The following SATB2 variants were observed in gnomAD, a reference collection of about 807,000 sequenced individuals.
SATB2 encodes DNA-binding protein SATB2.
In SATB2, 1 loss-of-function variant was observed where a neutral mutation model predicts 73.4. That is an observed-to-expected ratio of 0.01 (90% CI 0.00 to 0.06). SATB2 has a LOEUF of 0.06. Among genes scored for constraint, SATB2 ranks in the 10% least tolerant of loss-of-function variants. SATB2 has a pLI of 1.00. For missense variants in SATB2, 459 were observed against 945.8 expected (o/e 0.49, Z 6.75); for synonymous variants, 397 against 367.0 (o/e 1.08, Z -0.93).
chr2:199,350,330 G>T (rs889095586), intron 6 of SATB2, among the ~76,000 whole-genome samples: 1 of 150,574 alleles, frequency 6.6e-6, no homozygotes, highest in Non-Finnish European at 1.5e-5. Context: ...AACCGTGACA[G>T]AATCATGGTT....
chr2:199,413,630 C>T (rs1184150708), intron 3 of SATB2, among the ~76,000 whole-genome samples: 2 of 139,626 alleles, frequency 1.4e-5, no homozygotes, highest in Non-Finnish European at 1.6e-5. Context: ...AACTTGATTT[C>T]CCAGGCTCTC....
intron 10 of SATB2, among the ~76,000 whole-genome samples, chr2:199,300,294 C>G (rs764968779): frequency 2.0e-5 from 3 of 148,924 alleles, no homozygotes; most frequent in African/African-American, 2.5e-5. Flanking sequence ...TAACAAATTC[C>G]AAAGCAATAT....
intron 5 of SATB2, among the ~76,000 whole-genome samples, chr2:199,376,044 T>C (rs926429118): frequency 2.6e-5 from 4 of 152,196 alleles, no homozygotes; most frequent in African/African-American, 9.7e-5. Flanking sequence ...TAAATTACAA[T>C]CTAGCTATGC....
intron 3 of SATB2, among the ~76,000 whole-genome samples, chr2:199,392,396 G>C (rs1319490851): frequency 6.6e-6 from 1 of 151,292 alleles, no homozygotes; most frequent in Non-Finnish European, 1.5e-5. Flanking sequence ...CTTGGCATAG[G>C]CTGAATAGAC....
At chr2:199,458,670 C>A (rs1352741331), upstream of SATB2, 4 of 442,068 alleles carry the variant, frequency 9.0e-6, no homozygotes, top group Non-Finnish European at 1.8e-5. Context: ...GCGCAAGAGG[C>A]GACCGCGGCT....
At chr2:199,438,902 G>A (rs911193389) in intron 2 of SATB2, among the ~76,000 whole-genome samples, 19 of 152,196 alleles carry the variant, frequency 1.2e-4, no homozygotes, top group Non-Finnish European at 5.9e-5. Context: ...GCAAGGCAAG[G>A]GCAGAATAGT....
At chr2:199,433,219 A>G in intron 3 of SATB2, 119 bp downstream of exon 3, 2 of 1,044,400 alleles carry the variant, frequency 1.9e-6, no homozygotes, top group Admixed American at 2.8e-5. Flanking sequence ...CTCACTAGGA[A>G]ATGCTAAATC....
chr2:199,321,710 A>G (rs1449524098), intron 9 of SATB2, among the ~76,000 whole-genome samples: 1 of 152,056 alleles, frequency 6.6e-6, no homozygotes, highest in Non-Finnish European at 1.5e-5. Flanking sequence ...TGGAGTGAAT[A>G]TCTTTTGTTA....
intron 10 of SATB2, among the ~76,000 whole-genome samples, chr2:199,278,239 T>C (rs1158352062): frequency 6.6e-6 from 1 of 152,144 alleles, no homozygotes; most frequent in Non-Finnish European, 1.5e-5. Flanking sequence ...ACAAAAAGGC[T>C]GCCAGGCAAG....
chr2:199,370,946 C>CA (rs67348909), intron 5 of SATB2, among the ~76,000 whole-genome samples: 1,401 of 69,148 alleles, frequency 0.02, 34 homozygotes, highest in African/African-American at 0.048. Context: ...ATGAACTGAG[C>CA]AAAAAAAAAA....
chr2:199,356,601 T>C (rs1052485932), intron 6 of SATB2, among the ~76,000 whole-genome samples: 5 of 152,170 alleles, frequency 3.3e-5, no homozygotes, highest in East Asian at 1.9e-4. Flanking sequence ...CAAATGCAGA[T>C]AAATATTTAG....
At chr2:199,443,899 G>A (rs1691892065) in intron 2 of SATB2, among the ~76,000 whole-genome samples, 1 of 152,220 alleles carries the variant, frequency 6.6e-6, no homozygotes, top group African/African-American at 2.4e-5. Flanking sequence ...TAGGGGATCT[G>A]ACTGAGATCT....
intron 5 of SATB2, among the ~76,000 whole-genome samples, chr2:199,369,983 C>G (rs1689395105): frequency 1.3e-5 from 2 of 152,126 alleles, no homozygotes; most frequent in Non-Finnish European, 1.5e-5. Flanking sequence ...AAGGATAACT[C>G]TTTTCATCCC....
intron 2 of SATB2, among the ~76,000 whole-genome samples, chr2:199,448,841 C>T (rs1692042240): frequency 6.6e-6 from 1 of 152,102 alleles, no homozygotes; most frequent in South Asian, 2.1e-4. Flanking sequence ...ACCAACTGTA[C>T]TACGATAGAA....
chr2:199,414,821 G>C (rs1039321590), intron 3 of SATB2, among the ~76,000 whole-genome samples: 2 of 152,080 alleles, frequency 1.3e-5, no homozygotes, highest in Non-Finnish European at 2.9e-5. Context: ...ACAACGACTG[G>C]GAGCAAGGTC....
At chr2:199,456,210 T>C (rs1207282015) in intron 1 of SATB2, 114 bp from the exon 2 acceptor site, 1 of 696,234 alleles carries the variant, frequency 1.4e-6, no homozygotes, top group East Asian at 2.8e-5. Flanking sequence ...CCACACAAAC[T>C]TCCTCCCACG....
chr2:199,280,180 T>C (rs1173850068), intron 10 of SATB2, among the ~76,000 whole-genome samples: 1 of 152,214 alleles, frequency 6.6e-6, no homozygotes, highest in African/African-American at 2.4e-5. Context: ...TACTGCAATC[T>C]CTGAACATAA....
At chr2:199,333,699 A>G (rs192771640) in intron 7 of SATB2, among the ~76,000 whole-genome samples, 2 of 152,300 alleles carry the variant, frequency 1.3e-5, no homozygotes, top group East Asian at 3.9e-4. Flanking sequence ...GCTAACCAGC[A>G]AACATTAACC....
At chr2:199,345,507 A>G (rs749249777) in intron 7 of SATB2, among the ~76,000 whole-genome samples, 2 of 150,014 alleles carry the variant, frequency 1.3e-5, no homozygotes, top group African/African-American at 2.5e-5. Context: ...AAATAACCCA[A>G]TCTAAAACTA....
Sources: allele counts gnomAD v4.1 joint callset (sites outside exome capture counted in the v4.1 genomes callset), GRCh38; gene constraint gnomAD v4.1.1; transcripts MANE v1.5; gene names NCBI Gene and HGNC (gene_info 2026-07-23, HGNC 2026-07-21).